The following KCTD19 variants were observed in gnomAD, a reference collection of about 807,000 sequenced individuals.
KCTD19 encodes the protein potassium channel tetramerization domain containing 19.
Under a neutral mutation model 103.5 loss-of-function variants are expected in KCTD19, and 67 were observed. That is an observed-to-expected ratio of 0.65 (90% CI 0.53 to 0.79). The LOEUF is 0.79. Among genes scored for constraint, KCTD19 ranks in the 30% least tolerant of loss-of-function variants. KCTD19 has a pLI of 0.00. For missense variants in KCTD19, 980 were observed against 1,136.1 expected, an observed-to-expected ratio of 0.86 and a Z score of 1.98; for synonymous variants, 439 against 452.2, an observed-to-expected ratio of 0.97 and a Z score of 0.37.
chr16:67,294,934 C>A (rs751492532), intron 10 of KCTD19, 39 bp downstream of exon 10: 1 of 1,502,078 alleles, frequency 6.7e-7, no homozygotes, highest in South Asian at 1.1e-5. Flanking sequence ...ATTTAAAGGA[C>A]CAAATTCTAA....
rs768387818 is a variant in KCTD19 at position 67,320,243 on chromosome 16, G to A, written c.300+346C>T. 9.2e-5 allele frequency among the ~76,000 whole-genome samples: 14 copies of A among 152,126 alleles called. No homozygotes were observed. Among genetic ancestry groups the A allele is most frequent in the South Asian group, 8.3e-4 (4 of 4,828 alleles). On this transcript the variant is annotated intron_variant, in intron 2 of 15. Coordinates refer to ENST00000304372, the MANE Select transcript of KCTD19 (RefSeq NM_001100915.3). The surrounding 1 kb of genome is among the most constrained non-coding windows in gnomAD (Gnocchi z 4.0). ...CTGGTCAACATGGAAAGGATTGGCC[G>A]GGCATGGTGGCATGCACCTGTGTTC...
At chr16:67,317,306 C>CTAAAATATATAAAAT (rs1567454452) in intron 2 of KCTD19, among the ~76,000 whole-genome samples, 1 of 151,878 alleles carries the variant, frequency 6.6e-6, no homozygotes, top group Non-Finnish European at 1.5e-5. Context: ...TAACAAAACC[C>CTAAAATATATAAAAT]CATCTCCACT....
chr16:67,326,498 C>T, intron 1 of KCTD19: 1 of 593,774 alleles, frequency 1.7e-6, no homozygotes. Flanking sequence ...CCCACATCCT[C>T]AGAGCCAGAA....
chr16:67,298,725 A>G (rs1283162272), intron 6 of KCTD19, among the ~76,000 whole-genome samples: 1 of 152,362 alleles, frequency 6.6e-6, no homozygotes, highest in Admixed American at 6.5e-5. Flanking sequence ...CAGGGGCTCC[A>G]GAAAACCCAC....
At chr16:67,318,765 G>T (rs989231583) in intron 2 of KCTD19, among the ~76,000 whole-genome samples, 1 of 151,844 alleles carries the variant, frequency 6.6e-6, no homozygotes, top group Non-Finnish European at 1.5e-5. Flanking sequence ...ATGCCTTGGC[G>T]TAGAGTCATC....
intron 1 of KCTD19, among the ~76,000 whole-genome samples, chr16:67,324,735 T>C (rs2037111198): frequency 6.6e-6 from 1 of 152,102 alleles, no homozygotes; most frequent in African/African-American, 2.4e-5. Flanking sequence ...CAAGAAAGAA[T>C]GGGATGGGGT....
intron 15 of KCTD19, among the ~76,000 whole-genome samples, chr16:67,290,300 C>A (rs1399225438): frequency 6.6e-6 from 1 of 151,314 alleles, no homozygotes; most frequent in African/African-American, 2.4e-5. Flanking sequence ...GCCTCAGCCT[C>A]CTGAGTAGCT....
intron 5 of KCTD19, chr16:67,301,470 G>A: frequency 4.6e-6 from 1 of 216,004 alleles, no homozygotes; most frequent in Non-Finnish European, 9.1e-6. Flanking sequence ...CCCTGCCCCT[G>A]AGAAGCCTGC....
Position 67,293,387 on chromosome 16 carries a change from G to A in KCTD19, c.2218+157C>T, listed in dbSNP as rs1305894118. ...CTGGCCCCTCCAGCCATGCCAATGT[G>A]CCAGTCATTTCTGTGTCTGCTGCCT... On this transcript the variant is annotated intron_variant, in intron 12 of 15. Coordinates refer to ENST00000304372, the MANE Select transcript of KCTD19 (RefSeq NM_001100915.3). This position sits in a 1 kb window ranked among gnomAD's most constrained non-coding sequence, Gnocchi z 4.0. Among the ~76,000 whole-genome samples the A allele has an allele frequency of 6.6e-6, 1 of 152,140 alleles. No homozygotes were observed. The highest frequency in any genetic ancestry group is 1.5e-5 in the Non-Finnish European group (1 of 68,028).
At position 67,320,647 on chromosome 16, in the gene KCTD19, G is replaced by A. The variant is rs572211285; in HGVS notation, c.242C>T (p.Ala81Val). The change falls in exon 2 of 16, where the codon GCA (alanine) becomes GTA (valine). Residue 81 changes from alanine to valine, a missense_variant. Ala to Val is a moderately conservative substitution (Grantham distance 64). Coordinates refer to ENST00000304372, the MANE Select transcript of KCTD19 (RefSeq NM_001100915.3). The surrounding 1 kb of genome is among the most constrained non-coding windows in gnomAD (Gnocchi z 4.0). ...YTSKLSFSSC[A>V]ELNLLYEQAL... ...TTGCTCATACAGCAAGTTCAGTTCT[G>A]CACAACTGGAGAAGGAGAGTTTGGA... 4.4e-5 allele frequency: 71 copies of A among 1,614,206 alleles called. No individual in the cohort carries two copies. The South Asian group carries it at 7.1e-4, about 16-fold the overall frequency.
rs775700988 is a variant in KCTD19 at position 67,304,534 on chromosome 16, C to T, written c.338G>A (p.Arg113His). 1.5e-5 allele frequency: 25 copies of T among 1,613,828 alleles called. 1 individual carries two copies. The highest frequency in any genetic ancestry group is 2.7e-5 in the African/African-American group (2 of 74,878). The change falls in exon 3 of 16, where the codon CGC becomes CAC. Residue 113 changes from arginine to histidine, a missense_variant. Physicochemically the swap from Arg to His is conservative, Grantham distance 29 (BLOSUM62 0). Coordinates refer to ENST00000304372, the MANE Select transcript of KCTD19 (RefSeq NM_001100915.3). Reference sequence around the variant, plus strand: ...AACAGGTAGGTCTGCAGGCCGTACGCGTAGATGGTGTTTCCCTTCCTTCAG... The same window carrying T: ...AACAGGTAGGTCTGCAGGCCGTACGTGTAGATGGTGTTTCCCTTCCTTCAG... Reference protein sequence around the residue: ...DNLKEGKHHLRVRPADLPVAE... With the variant: ...DNLKEGKHHLHVRPADLPVAE...
In KCTD19 at chr16:67,323,531, A is replaced by G. The variant is rs938085595; in HGVS notation, c.4-2646T>C. Among the ~76,000 whole-genome samples the G allele has an allele frequency of 6.6e-6, 1 of 152,212 alleles. No individual in the cohort carries two copies. Among genetic ancestry groups the G allele is most frequent in the African/African-American group, 2.4e-5 (1 of 41,448 alleles). On this transcript the variant is annotated intron_variant, in intron 1 of 15. Coordinates refer to ENST00000304372, the MANE Select transcript of KCTD19 (RefSeq NM_001100915.3). This position sits in a 1 kb window ranked among gnomAD's most constrained non-coding sequence, Gnocchi z 4.1. ...GAGTGAGGCACGTCTCTAAAAAAAT[A>G]AAAAATAAAAAGGAATGAAGTACTG...
Position 67,320,834 on chromosome 16 carries a change from C to T in KCTD19, c.55G>A (p.Val19Ile), listed in dbSNP as rs761287238. 59 of 1,613,938 alleles carry T rather than the reference C, an allele frequency of 3.7e-5. No individual in the cohort carries two copies. The highest frequency in any genetic ancestry group is 4.7e-5 in the Non-Finnish European group (55 of 1,179,998). Residue 19 changes from valine (V) to isoleucine (I), a missense_variant, in exon 2 of 16, where the codon GTA becomes ATA. Coordinates refer to ENST00000304372, the MANE Select transcript of KCTD19 (RefSeq NM_001100915.3). The surrounding 1 kb of genome is among the most constrained non-coding windows in gnomAD (Gnocchi z 4.0). ...GGAACTGAGAAATGCCAGCCCCCTA[C>T]GTTGAAATGAAACAAGTCCTCTGCT... is the stretch of plus-strand genomic sequence containing the variant. ...ESAEDLFHFN[V>I]GGWHFSVPRS...
intron 2 of KCTD19, 47 bp from the exon 3 acceptor site, chr16:67,304,618 C>T (rs577852123): frequency 6.6e-7 from 1 of 1,508,412 alleles, no homozygotes; most frequent in South Asian, 1.1e-5. Context: ...AACCAAGTAA[C>T]TATGTACCAA....
At chr16:67,325,915 CTTT>C (rs777824146) in intron 1 of KCTD19, 24 of 129,310 alleles carry the variant, frequency 1.9e-4, no homozygotes, top group African/African-American at 3.3e-4. Flanking sequence ...AATTTCTTAC[CTTT>C]TTTTTTTTTT....
At chr16:67,301,422 T>G (rs1219899593) in intron 5 of KCTD19, 1 of 169,912 alleles carries the variant, frequency 5.9e-6, no homozygotes, top group Non-Finnish European at 1.2e-5. Context: ...TGGTGGGTGC[T>G]CTTAGTCCCC....
chr16:67,316,069 T>A lies in KCTD19; in HGVS notation c.300+4520A>T, dbSNP rs532285600. On this transcript the variant is annotated intron_variant, in intron 2 of 15. Coordinates refer to ENST00000304372, the MANE Select transcript of KCTD19 (RefSeq NM_001100915.3). Reference sequence around the variant, plus strand: ...TTTATTTAAGTATTTATTGACAAGGTCTAGCTCTGTCACCCTGGCCGAAGT... The same window carrying A: ...TTTATTTAAGTATTTATTGACAAGGACTAGCTCTGTCACCCTGGCCGAAGT... Among the ~76,000 whole-genome samples the A allele has an allele frequency of 3.3e-5, 5 of 152,306 alleles. No homozygotes were observed. The South Asian group carries it at 1.0e-3, about 32-fold the overall frequency.
chr16:67,291,796 C>T lies in KCTD19; in HGVS notation c.2260G>A (p.Val754Met), dbSNP rs772629445. Residue 754 changes from valine (V) to methionine (M), a missense_variant, in exon 13 of 16, where the codon GTG becomes ATG. Physicochemically the swap from Val to Met is conservative, Grantham distance 21. Coordinates refer to ENST00000304372, the MANE Select transcript of KCTD19 (RefSeq NM_001100915.3). ...PEQPLPEASE[V>M]DSLGVILKVT... The stretch of plus-strand genomic sequence containing the variant: ...TTGAGGATAACCCCTAGGCTGTCCA[C>T]CTCACTGGCCTCGGGCAGAGGCTGC... 7 of 1,613,382 alleles carry T rather than the reference C, an allele frequency of 4.3e-6. No individual in the cohort carries two copies. The highest frequency in any genetic ancestry group is 2.2e-5 in the South Asian group (2 of 90,948).
chr16:67,301,985 T>C (rs2036839803), intron 4 of KCTD19, 63 bp from the exon 5 acceptor site: 1 of 1,557,432 alleles, frequency 6.4e-7, no homozygotes, highest in South Asian at 1.1e-5. Context: ...CTGTAGGTCC[T>C]GGTTTTGGCA....
Sources: allele counts gnomAD v4.1 joint callset (sites outside exome capture counted in the v4.1 genomes callset), GRCh38; gene constraint gnomAD v4.1.1; non-coding constraint Gnocchi (gnomAD v3.1); transcripts MANE v1.5; gene names NCBI Gene and HGNC (gene_info 2026-07-23, HGNC 2026-07-21).